The following BCL11A variants were observed in gnomAD, a reference collection of about 807,000 sequenced individuals.
BCL11A encodes B cell CLL/lymphoma 11A.
Under a neutral mutation model 55.9 loss-of-function variants are expected in BCL11A, and 2 were observed. That is an observed-to-expected ratio of 0.04 (90% CI 0.01 to 0.11). The LOEUF (loss-of-function observed/expected upper bound fraction) is 0.11. BCL11A is among the 10% of genes least tolerant of loss of function. The probability of loss-of-function intolerance (pLI) is 1.00; values close to 1 mark genes in which losing one functional copy is unlikely to be tolerated. For missense variants in BCL11A, 817 were observed against 1,137.1 expected (o/e 0.72, Z 4.05); for synonymous variants, 465 against 473.4 (o/e 0.98, Z 0.23).
At chr2:60,528,533 A>C (rs951240539) in intron 2 of BCL11A, 1 of 152,242 alleles carries the variant, frequency 6.6e-6, no homozygotes, top group Non-Finnish European at 1.5e-5. Flanking sequence ...AGAAGATTGA[A>C]AAACTTGACC....
At position 60,461,555 on chromosome 2, in the gene BCL11A, T is replaced by C. The variant is rs763618664; in HGVS notation, c.1357A>G (p.Ser453Gly). The C allele has an allele frequency of 6.2e-7, 1 of 1,611,412 alleles. No homozygotes were observed. The highest frequency in any genetic ancestry group is 8.5e-7 in the Non-Finnish European group (1 of 1,180,016). The change falls in exon 4 of 4, where the codon AGC becomes GGC. Residue 453 changes from serine (S) to glycine (G), a missense_variant. Ser to Gly is a moderately conservative substitution (Grantham distance 56). This residue lies in a region of BCL11A where 379 missense variants were observed against 425.3 expected (regional missense o/e 0.89). Transcript: ENST00000642384. ...STASSPEPGT[S>G]DLVGSASSAL... ...CTGCTGGCGCTGCCCACCAAGTCGC[T>C]GGTGCCGGGTTCCGGGGAGCTGGCG...
intron 2 of BCL11A, chr2:60,528,145 CT>C (rs1669289801): frequency 1.3e-5 from 2 of 152,810 alleles, no homozygotes; most frequent in Non-Finnish European, 2.9e-5. Flanking sequence ...AGAAACACCA[CT>C]GCCACGCACA....
chr2:60,463,080 C>G (rs778278983), intron 3 of BCL11A, among the ~76,000 whole-genome samples: 1 of 152,226 alleles, frequency 6.6e-6, no homozygotes, highest in Non-Finnish European at 1.5e-5. Flanking sequence ...TAGCAACATT[C>G]TCACACCCCA....
chr2:60,457,546 A>G lies in BCL11A; in HGVS notation c.*2858T>C, dbSNP rs767525688. 4.4e-5 allele frequency: 46 copies of G among 1,046,828 alleles called. No individual in the cohort carries two copies. The highest frequency in any genetic ancestry group is 5.2e-5 in the Non-Finnish European group (45 of 867,422). 64.8% of individuals were successfully genotyped at this position (1,046,828 alleles called of 1,614,324 possible). Reference sequence around the variant, plus strand: ...CAATAACAAAATATTCTGCATTGCCATTTACAAAAAAGTATTGACTAAAGC... The same window carrying G: ...CAATAACAAAATATTCTGCATTGCCGTTTACAAAAAAGTATTGACTAAAGC... On this transcript the variant is annotated 3_prime_UTR_variant, in exon 4 of 4. Coordinates refer to ENST00000642384, the MANE Select transcript of BCL11A (RefSeq NM_022893.4).
At chr2:60,506,884 G>C (rs1281509086) in intron 2 of BCL11A, among the ~76,000 whole-genome samples, 1 of 152,002 alleles carries the variant, frequency 6.6e-6, no homozygotes, top group Non-Finnish European at 1.5e-5. Context: ...GCTACCTGAT[G>C]GCATTATCTA....
chr2:60,531,259 C>T (rs1669445577), intron 2 of BCL11A, among the ~76,000 whole-genome samples: 2 of 152,210 alleles, frequency 1.3e-5, no homozygotes, highest in African/African-American at 4.8e-5. Flanking sequence ...ACACAAATCC[C>T]GTTGGACCCA....
intron 2 of BCL11A, among the ~76,000 whole-genome samples, chr2:60,518,027 T>A (rs750409155): frequency 6.6e-6 from 1 of 151,468 alleles, no homozygotes; most frequent in Non-Finnish European, 1.5e-5. Flanking sequence ...GGCATTTGCT[T>A]ATGCCTATAA....
intron 2 of BCL11A, among the ~76,000 whole-genome samples, chr2:60,500,903 A>G (rs1679242504): frequency 6.6e-6 from 1 of 152,192 alleles, no homozygotes. Flanking sequence ...TGTATGGCCA[A>G]CCTGGGGTTG....
In BCL11A at chr2:60,458,846, G is replaced by T; in HGVS notation, c.*1558C>A. 1 of 1,026,466 alleles carries T rather than the reference G, an allele frequency of 9.7e-7. No individual in the cohort carries two copies. The highest frequency in any genetic ancestry group is 4.6e-5 in the South Asian group (1 of 21,568). 63.6% of individuals were successfully genotyped at this position (1,026,466 alleles called of 1,614,324 possible). ...TGAACACCAACTGGGGCAGATGCTA[G>T]CTTAATAAAAAAGAAAAAATTAAAA... On this transcript the variant is annotated 3_prime_UTR_variant, in exon 4 of 4. Coordinates refer to ENST00000642384, the MANE Select transcript of BCL11A (RefSeq NM_022893.4).
Position 60,460,779 on chromosome 2 carries a change from C to T in BCL11A, c.2133G>A (p.Ser711=), listed in dbSNP as rs1178178293. ...CTCCACTTCCCGTGCCGCTGCGCCC[C>T]GAGATCCCTCCGTCCAGCTCCCCGG... ...TPPGELDGGI[S]GRSGTGSGGS... The change falls in exon 4 of 4, where the codon TCG becomes TCA. Residue 711 remains serine, a synonymous_variant. Transcript: ENST00000642384. 14 of 1,613,342 alleles carry T rather than the reference C, an allele frequency of 8.7e-6. No homozygotes were observed. The highest frequency in any genetic ancestry group is 1.1e-5 in the South Asian group (1 of 91,088).
chr2:60,476,244 T>C (rs767862781), intron 2 of BCL11A, among the ~76,000 whole-genome samples: 2 of 152,204 alleles, frequency 1.3e-5, no homozygotes, highest in Non-Finnish European at 2.9e-5. Flanking sequence ...TTCAACCTCC[T>C]GGGACACAGT....
At chr2:60,498,875 T>C (rs933968236) in intron 2 of BCL11A, among the ~76,000 whole-genome samples, 3 of 151,768 alleles carry the variant, frequency 2.0e-5, no homozygotes, top group Non-Finnish European at 4.4e-5. Context: ...TACCTGTAAA[T>C]CTTGATCAAA....
chr2:60,479,934 A>T (rs1208537309), intron 2 of BCL11A, among the ~76,000 whole-genome samples: 1 of 152,218 alleles, frequency 6.6e-6, no homozygotes, highest in Non-Finnish European at 1.5e-5. Flanking sequence ...GGAGGAGGAA[A>T]GAAATCTGAA....
In BCL11A at chr2:60,528,954, G is replaced by C. The variant is rs78941346; in HGVS notation, c.385+17017C>G. ...ACAGAGAGGTGAAATGATTCCCTCAGACTCTCCCAACCAGCTAGCAGTAAC... is the reference window on the plus strand; with the variant it reads ...ACAGAGAGGTGAAATGATTCCCTCACACTCTCCCAACCAGCTAGCAGTAAC... On this transcript the variant is annotated intron_variant, in intron 2 of 3. Coordinates refer to ENST00000642384, the MANE Select transcript of BCL11A (RefSeq NM_022893.4). Among the ~76,000 whole-genome samples the C allele has an allele frequency of 2.0e-5, 3 of 152,226 alleles. No individual in the cohort carries two copies. The East Asian group carries it at 5.8e-4, about 29-fold the overall frequency.
chr2:60,485,287 G>A (rs1321146718), intron 2 of BCL11A, among the ~76,000 whole-genome samples: 10 of 152,180 alleles, frequency 6.6e-5, no homozygotes, highest in African/African-American at 1.9e-4. Flanking sequence ...CAGACTGAAC[G>A]GCACAGTGAC....
At chr2:60,551,171 A>AG (rs898298231) in intron 1 of BCL11A, among the ~76,000 whole-genome samples, 7 of 152,172 alleles carry the variant, frequency 4.6e-5, no homozygotes, top group Non-Finnish European at 7.4e-5. Context: ...TAAATTGAGT[A>AG]GGGGGGGAAT....
At chr2:60,541,030 A>C (rs1669904802) in intron 2 of BCL11A, among the ~76,000 whole-genome samples, 1 of 151,506 alleles carries the variant, frequency 6.6e-6, no homozygotes, top group South Asian at 2.1e-4. Context: ...CTTTCACAGA[A>C]TAAACACAGA....
chr2:60,511,425 C>A (rs1216644018), intron 2 of BCL11A, among the ~76,000 whole-genome samples: 1 of 152,206 alleles, frequency 6.6e-6, no homozygotes, highest in Non-Finnish European at 1.5e-5. Flanking sequence ...CACTCTTTTC[C>A]GTTACCAATA....
intron 2 of BCL11A, among the ~76,000 whole-genome samples, chr2:60,509,402 G>A (rs942050228): frequency 6.6e-6 from 1 of 152,210 alleles, no homozygotes; most frequent in Non-Finnish European, 1.5e-5. Flanking sequence ...CCGTGGACCT[G>A]AGCACAGCAG....
Sources: gnomAD v4.1 joint callset for allele counts (sites outside exome capture counted in the v4.1 genomes callset) on GRCh38, gnomAD v4.1.1 for gene constraint, gnomAD v4.1.1 regional missense constraint, MANE v1.5 for transcripts, NCBI Gene and HGNC (gene_info 2026-07-23, HGNC 2026-07-21) for gene names.